CTNND2: variants seen among roughly 807,000 people sequenced by gnomAD.
The protein encoded by CTNND2 is catenin delta 2, also known as catenin delta-2.
A neutral mutation model predicts 144.4 loss-of-function variants in CTNND2; 22 were observed. The observed-to-expected ratio is 0.15, with a 90% CI of 0.11 to 0.22. The LOEUF is 0.22. CTNND2 is among the 10% of genes least tolerant of loss of function. The pLI is 1.00. For synonymous variants in CTNND2, 751 were observed against 695.6 expected, an observed-to-expected ratio of 1.08 and a Z score of -1.25; for missense variants, 1,353 against 1,618.8, an observed-to-expected ratio of 0.84 and a Z score of 2.82.
chr5:11,527,972 T>G (rs2150050567), intron 3 of CTNND2, among the ~76,000 whole-genome samples: 1 of 152,320 alleles, frequency 6.6e-6, no homozygotes, highest in Non-Finnish European at 1.5e-5. Flanking sequence ...TTTGGAAAAG[T>G]AAATAAACTA....
At chr5:11,217,424 C>T (rs1007896717) in intron 10 of CTNND2, among the ~76,000 whole-genome samples, 9 of 152,102 alleles carry the variant, frequency 5.9e-5, no homozygotes, top group Non-Finnish European at 8.8e-5. Context: ...TCTGCAACTC[C>T]TGTTAATATT....
chr5:11,017,758 G>C (rs1456703653), intron 18 of CTNND2, among the ~76,000 whole-genome samples: 1 of 152,002 alleles, frequency 6.6e-6, no homozygotes, highest in African/African-American at 2.4e-5. Context: ...CTTAGGGTAA[G>C]ACCCTGTGAG....
intron 3 of CTNND2, among the ~76,000 whole-genome samples, chr5:11,536,200 A>T (rs1774204505): frequency 6.6e-6 from 1 of 152,072 alleles, no homozygotes; most frequent in South Asian, 2.1e-4. Context: ...CGTATCTAGG[A>T]CTATAAGCTC....
intron 1 of CTNND2, among the ~76,000 whole-genome samples, chr5:11,899,232 C>A (rs535803875): frequency 5.3e-5 from 8 of 152,006 alleles, no homozygotes; most frequent in Admixed American, 5.2e-4. Context: ...CTAAACAGAG[C>A]GGATGTGTAA....
chr5:11,445,388 C>T lies in CTNND2; in HGVS notation c.288-33319G>A, dbSNP rs944081691. 7.2e-5 allele frequency among the ~76,000 whole-genome samples: 11 copies of T among 152,300 alleles called. No homozygotes were observed. The East Asian group carries it at 1.7e-3, about 24-fold the overall frequency. On this transcript the variant is annotated intron_variant, in intron 3 of 21. Transcript: ENST00000304623. The stretch of plus-strand genomic sequence containing the variant: ...CCAATTAAGGTCACGCACGGTTTCC[C>T]GAGATTAGGACTTCAACATGTCGTT...
chr5:11,552,964 A>G (rs1237606639), intron 3 of CTNND2, among the ~76,000 whole-genome samples: 1 of 152,208 alleles, frequency 6.6e-6, no homozygotes, highest in African/African-American at 2.4e-5. Context: ...GATATGATGG[A>G]GACACAAATG....
At chr5:11,538,381 T>C (rs1242226896) in intron 3 of CTNND2, among the ~76,000 whole-genome samples, 1 of 152,326 alleles carries the variant, frequency 6.6e-6, no homozygotes, top group Non-Finnish European at 1.5e-5. Context: ...GAAGCATGGC[T>C]GTAACCTGAA....
intron 11 of CTNND2, among the ~76,000 whole-genome samples, chr5:11,189,964 C>T (rs1736076028): frequency 6.6e-6 from 1 of 152,138 alleles, no homozygotes; most frequent in Non-Finnish European, 1.5e-5. Context: ...AAGTTTTTGC[C>T]CTCTGCCTGT....
At chr5:11,056,807 C>A (rs1441981577) in intron 16 of CTNND2, among the ~76,000 whole-genome samples, 1 of 152,198 alleles carries the variant, frequency 6.6e-6, no homozygotes, top group Non-Finnish European at 1.5e-5. Flanking sequence ...CACTGCAATG[C>A]AGATATGTGA....
At chr5:11,704,124 C>T (rs1785584534) in intron 2 of CTNND2, among the ~76,000 whole-genome samples, 1 of 152,162 alleles carries the variant, frequency 6.6e-6, no homozygotes, top group Admixed American at 6.5e-5. Flanking sequence ...GACTAGAAGA[C>T]TAGATGTAGT....
Position 11,897,223 on chromosome 5 carries a change from T to C in CTNND2, c.37+6594A>G, listed in dbSNP as rs570178171. ...GTTGCTCTTTCTGGAAATTACATTA[T>C]TGTATACTGTTGAAGGTAATGACTG... is the stretch of plus-strand genomic sequence containing the variant. On this transcript the variant is annotated intron_variant, in intron 1 of 21. Transcript: ENST00000304623. Among the ~76,000 whole-genome samples, 78 of 152,322 alleles carry C rather than the reference T, an allele frequency of 5.1e-4. 1 individual carries two copies. In the South Asian group the frequency reaches 0.015, roughly 30 times the overall value.
chr5:11,493,829 A>T (rs1055606315), intron 3 of CTNND2, among the ~76,000 whole-genome samples: 17 of 152,134 alleles, frequency 1.1e-4, no homozygotes, highest in African/African-American at 4.1e-4. Context: ...AAAAATTTTG[A>T]ATTTGGCTTT....
intron 2 of CTNND2, among the ~76,000 whole-genome samples, chr5:11,720,392 A>G (rs1269769270): frequency 1.3e-5 from 2 of 152,190 alleles, no homozygotes; most frequent in African/African-American, 4.8e-5. Context: ...ACTGAGATTC[A>G]TATCTGGCAC....
chr5:11,211,590 G>A (rs1738644130), intron 10 of CTNND2, among the ~76,000 whole-genome samples: 1 of 152,236 alleles, frequency 6.6e-6, no homozygotes, highest in Non-Finnish European at 1.5e-5. Context: ...AAATGAGTGT[G>A]TTGATAATCA....
At chr5:11,624,308 A>G (rs1488554273) in intron 2 of CTNND2, among the ~76,000 whole-genome samples, 1 of 151,948 alleles carries the variant, frequency 6.6e-6, no homozygotes. Flanking sequence ...TCACATAAGA[A>G]CTCTCAGGTC....
intron 16 of CTNND2, among the ~76,000 whole-genome samples, chr5:11,055,339 T>G (rs991791283): frequency 2.0e-5 from 3 of 152,204 alleles, no homozygotes; most frequent in Non-Finnish European, 4.4e-5. Context: ...AAGTCCCCTC[T>G]GAGGAGGCTC....
chr5:11,268,339 T>C, intron 9 of CTNND2, among the ~76,000 whole-genome samples: 1 of 152,154 alleles, frequency 6.6e-6, no homozygotes, highest in East Asian at 1.9e-4. Flanking sequence ...TCCCAGCACT[T>C]TGGGAGGCTG....
chr5:11,407,738 A>C (rs1277295457), intron 5 of CTNND2, among the ~76,000 whole-genome samples: 2 of 149,500 alleles, frequency 1.3e-5, no homozygotes. Flanking sequence ...GTTCATAGCT[A>C]ATGAATCCAT....
At chr5:11,443,402 GT>G (rs1203684678) in intron 3 of CTNND2, among the ~76,000 whole-genome samples, 2 of 61,916 alleles carry the variant, frequency 3.2e-5, no homozygotes, top group African/African-American at 1.4e-4. Flanking sequence ...TGGTGTGTGT[GT>G]GGGGGGGGTG....
Sources: gnomAD v4.1 joint callset for allele counts (sites outside exome capture counted in the v4.1 genomes callset) on GRCh38, gnomAD v4.1.1 for gene constraint, MANE v1.5 for transcripts, NCBI Gene and HGNC (gene_info 2026-07-23, HGNC 2026-07-21) for gene names.